DDHD2: variants seen among roughly 807,000 people sequenced by gnomAD.
DDHD2 encodes the protein triacylglycerol hydrolase DDHD2.
Under a neutral mutation model 91.2 loss-of-function variants are expected in DDHD2, and 62 were observed. The observed-to-expected ratio is 0.68, with a 90% confidence interval of 0.55 to 0.84. The LOEUF (loss-of-function observed/expected upper bound fraction) is 0.84. Ranked by LOEUF, DDHD2 falls within the 40% of genes least tolerant of loss-of-function variation. The pLI is 0.00. For missense variants in DDHD2, 740 were observed against 846.9 expected (o/e 0.87, Z 1.57); for synonymous variants, 271 against 293.9 (o/e 0.92, Z 0.80).
chr8:38,244,981 T>A (rs1033943927), intron 7 of DDHD2, among the ~76,000 whole-genome samples: 1 of 151,474 alleles, frequency 6.6e-6, no homozygotes, highest in Admixed American at 6.6e-5. Context: ...TTGTCTATTA[T>A]ATTTTTATAC....
chr8:38,247,787 T>G lies in DDHD2; in HGVS notation c.1200T>G (p.Ser400=). ...AAGATTTGAAGAAACTTCAGCTCTC[T>G]GAATTCTTTGATATCTTTGAGAAGG... ...LEEDLKKLQL[S]EFFDIFEKEK... Residue 400 remains serine (S), a synonymous_variant, in exon 10 of 18, where the codon TCT becomes TCG. Coordinates refer to ENST00000397166, the MANE Select transcript of DDHD2 (RefSeq NM_015214.3). 1 of 1,586,246 alleles carries G rather than the reference T, an allele frequency of 6.3e-7. No individual in the cohort carries two copies. The highest frequency in any genetic ancestry group is 8.6e-7 in the Non-Finnish European group (1 of 1,166,182).
At chr8:38,266,900 A>C, downstream of DDHD2, 1 of 395,416 alleles carries the variant, frequency 2.5e-6, no homozygotes. Context: ...TAAATACAAT[A>C]GTCCCCACCT....
chr8:38,239,005 G>A (rs551003365), intron 5 of DDHD2: 1 of 152,246 alleles, frequency 6.6e-6, no homozygotes, highest in Admixed American at 6.5e-5. Flanking sequence ...TTGAATCTCT[G>A]TAAAAAGTAT....
At chr8:38,272,742 C>T (rs1287716354), downstream of DDHD2, 1 of 152,224 alleles carries the variant, frequency 6.6e-6, no homozygotes, top group African/African-American at 2.4e-5. Flanking sequence ...GCCACTTACA[C>T]TCTGACCACA....
chr8:38,253,908 C>A (rs951328934), intron 16 of DDHD2, among the ~76,000 whole-genome samples, 190 bp downstream of exon 16: 1 of 151,904 alleles, frequency 6.6e-6, no homozygotes, highest in African/African-American at 2.4e-5. Context: ...AGCAAGACCT[C>A]ATCTCTACAA....
chr8:38,248,370 G>T lies in DDHD2; in HGVS notation c.1248+535G>T, dbSNP rs368599376. On this transcript the variant is annotated intron_variant, in intron 10 of 17. Coordinates refer to ENST00000397166, the MANE Select transcript of DDHD2 (RefSeq NM_015214.3). ...GCCACCGTGCCCAGCCAGCTGATTT[G>T]TTTTTTTTTTTTTTTTTCCATTTTT... Among the ~76,000 whole-genome samples the T allele has an allele frequency of 9.8e-3, 1,048 of 106,790 alleles. 9 individuals carry two copies. The highest frequency in any genetic ancestry group is 0.028 in the African/African-American group (835 of 30,050). The allele number at this position is 106,790 out of a possible 152,430, so 70.1% of individuals were successfully genotyped here. A position where few individuals can be genotyped will look rare whatever the true frequency, so the allele number is the denominator to read the frequency against.
chr8:38,252,245 C>T lies in DDHD2; in HGVS notation c.1575C>T (p.Tyr525=), dbSNP rs139004425. The T allele has an allele frequency of 1.5e-4, 241 of 1,614,118 alleles. 1 individual carries two copies. In the Middle Eastern group the frequency reaches 2.0e-3, roughly 13 times the overall value. The part of the protein sequence containing the change: ...VRGLKRIDPN[Y]RFPTCKGFFN... The stretch of plus-strand genomic sequence containing the variant: ...GACTAAAAAGAATTGATCCCAACTA[C>T]AGATTTCCAACGTGCAAAGGTTTCT... Residue 525 remains tyrosine (Y), a synonymous_variant, in exon 13 of 18, where the codon TAC becomes TAT. Coordinates refer to ENST00000397166, the MANE Select transcript of DDHD2 (RefSeq NM_015214.3).
intron 10 of DDHD2, among the ~76,000 whole-genome samples, chr8:38,248,233 A>T (rs1805800574): frequency 6.6e-6 from 1 of 152,008 alleles, no homozygotes; most frequent in Non-Finnish European, 1.5e-5. Context: ...TTTAGTAGAG[A>T]TGGGGTTTCA....
chr8:38,241,065 C>CAAA (rs1176378276), intron 6 of DDHD2, among the ~76,000 whole-genome samples: 5 of 50,554 alleles, frequency 9.9e-5, no homozygotes, highest in Admixed American at 2.0e-4. Flanking sequence ...AGTGAGACCT[C>CAAA]AAAAAAAAAA....
chr8:38,238,103 C>G lies in DDHD2; in HGVS notation c.516C>G (p.Tyr172Ter). ...ILHNPKLMVHYQPVAGSDDWG... is the reference protein window; with the variant it reads ...ILHNPKLMVH ...TTCTGTTTAAGCTTATGGTGCATTA[C>G]CAGCCAGTTGCAGGGTCTGATGATT... Residue 172 changes from tyrosine (Y) to a stop codon, truncating the protein, a stop_gained, in exon 5 of 18, where the codon TAC becomes TAG. Transcript: ENST00000397166. LOFTEE classifies it high-confidence loss of function. 6.2e-7 allele frequency: 1 copy of G among 1,610,392 alleles called. No individual in the cohort carries two copies. Among genetic ancestry groups the G allele is most frequent in the Non-Finnish European group, 8.5e-7 (1 of 1,178,892 alleles).
chr8:38,269,634 C>T (rs1042736888), intron 1 of DDHD2: 2 of 180,702 alleles, frequency 1.1e-5, no homozygotes, highest in Non-Finnish European at 2.3e-5. Context: ...AGTCCTCCCA[C>T]CCAGGATGGC....
At position 38,253,610 on chromosome 8, in the gene DDHD2, A is replaced by G; in HGVS notation, c.1946A>G (p.Asn649Ser). 6.2e-7 allele frequency: 1 copy of G among 1,614,160 alleles called. No individual in the cohort carries two copies. Among genetic ancestry groups the G allele is most frequent in the Non-Finnish European group, 8.5e-7 (1 of 1,179,992 alleles). ...GTTAAAGAAGAAGTCCTGCCTATCAATGTGGGGATGCTGAATGGAGGCCAA... is the reference window on the plus strand; with the variant it reads ...GTTAAAGAAGAAGTCCTGCCTATCAGTGTGGGGATGCTGAATGGAGGCCAA... Reference protein sequence around the residue: ...VAVKEEVLPINVGMLNGGQRI... With the variant: ...VAVKEEVLPISVGMLNGGQRI... The change falls in exon 16 of 18, where the codon AAT becomes AGT. Residue 649 changes from asparagine (N) to serine (S), a missense_variant. Transcript: ENST00000397166.
rs1806983696 is a variant in DDHD2, at chr8:38,261,062, C to G, written c.*489C>G. 1 of 152,146 alleles carries G rather than the reference C, an allele frequency of 6.6e-6. No individual in the cohort carries two copies. Among genetic ancestry groups the G allele is most frequent in the Non-Finnish European group, 1.5e-5 (1 of 68,028 alleles). 9.4% of individuals were successfully genotyped at this position (152,146 alleles called of 1,614,324 possible). The stretch of plus-strand genomic sequence containing the variant: ...GTTTGTGTTGAACTGAAGGCTAAGT[C>G]TCAGTGGACATGGAAAAGACTTTTG... On this transcript the variant is annotated 3_prime_UTR_variant, in exon 18 of 18. Transcript: ENST00000397166.
chr8:38,234,662 T>C (rs920531203), intron 3 of DDHD2, 78 bp downstream of exon 3: 14 of 1,297,684 alleles, frequency 1.1e-5, no homozygotes, highest in African/African-American at 6.2e-5. Context: ...TAATTTATTT[T>C]GTGAAATTTC....
At chr8:38,249,019 T>G (rs1479704605) in intron 10 of DDHD2, among the ~76,000 whole-genome samples, 2 of 152,000 alleles carry the variant, frequency 1.3e-5, no homozygotes, top group Admixed American at 6.6e-5. Flanking sequence ...GTGTGTTTGC[T>G]GTATGTTCTC....
At chr8:38,251,182 G>A (rs1404661410) in intron 11 of DDHD2, 1 of 152,206 alleles carries the variant, frequency 6.6e-6, no homozygotes, top group African/African-American at 2.4e-5. Flanking sequence ...GAGTAGCTGG[G>A]ATTACAGACA....
At chr8:38,247,938 CT>C in intron 10 of DDHD2, 103 bp downstream of exon 10, 1 of 844,868 alleles carries the variant, frequency 1.2e-6, no homozygotes, top group Non-Finnish European at 1.8e-6. Flanking sequence ...GTCATAAATA[CT>C]TTATGATTAA....
chr8:38,268,974 G>T (rs1166602400), intron 1 of DDHD2: 1 of 1,570,128 alleles, frequency 6.4e-7, no homozygotes. Context: ...TGGAACGGGG[G>T]GAGCAGCTCC....
At chr8:38,267,038 T>TAAC (rs1807723194), downstream of DDHD2, 2 of 1,411,478 alleles carry the variant, frequency 1.4e-6, no homozygotes, top group African/African-American at 1.4e-5. Flanking sequence ...GCAAATAATA[T>TAAC]AACAATTAAA....
Sources: gnomAD v4.1 joint callset for allele counts (sites outside exome capture counted in the v4.1 genomes callset) on GRCh38, gnomAD v4.1.1 for gene constraint, MANE v1.5 for transcripts, NCBI Gene and HGNC (gene_info 2026-07-23, HGNC 2026-07-21) for gene names.